The following PHLDB2 variants were observed in gnomAD, a reference collection of about 807,000 sequenced individuals.
PHLDB2 encodes the protein pleckstrin homology-like domain family B member 2.
Under a neutral mutation model 123.6 loss-of-function variants are expected in PHLDB2, and 71 were observed. That is an observed-to-expected ratio of 0.57 (90% CI 0.47 to 0.70). PHLDB2 has a LOEUF of 0.70. Among genes scored for constraint, PHLDB2 ranks in the 30% least tolerant of loss-of-function variants. The probability of loss-of-function intolerance (pLI) is 0.00; values close to 1 mark genes in which losing one functional copy is unlikely to be tolerated. For synonymous variants in PHLDB2, 547 were observed against 541.6 expected (o/e 1.01, Z -0.14); for missense variants, 1,446 against 1,519.5 (o/e 0.95, Z 0.80).
intron 1 of PHLDB2, among the ~76,000 whole-genome samples, chr3:111,816,490 G>T (rs1186446911): frequency 1.3e-5 from 2 of 152,146 alleles, no homozygotes; most frequent in East Asian, 3.8e-4. Flanking sequence ...TTTAAGATTT[G>T]ACTGCCCCAC....
chr3:111,889,898 C>T (rs1256847045), intron 2 of PHLDB2, among the ~76,000 whole-genome samples: 1 of 152,036 alleles, frequency 6.6e-6, no homozygotes, highest in African/African-American at 2.4e-5. Flanking sequence ...ACAGTGTTCC[C>T]CACCCTGCCC....
chr3:111,886,183 A>G (rs2066151464), intron 2 of PHLDB2, among the ~76,000 whole-genome samples: 1 of 152,158 alleles, frequency 6.6e-6, no homozygotes, highest in Admixed American at 6.5e-5. Context: ...TTCATTTTTG[A>G]TTCATGATTT....
intron 7 of PHLDB2, 149 bp from the exon 8 acceptor site, chr3:111,940,386 C>T: frequency 4.1e-6 from 2 of 485,700 alleles, no homozygotes; most frequent in Non-Finnish European, 7.4e-6. Context: ...GCCTCACAGT[C>T]TCTTGGTAAT....
chr3:111,827,396 C>A (rs1337552399), intron 1 of PHLDB2, among the ~76,000 whole-genome samples: 1 of 152,210 alleles, frequency 6.6e-6, no homozygotes, highest in Non-Finnish European at 1.5e-5. Flanking sequence ...AAAGACCAGG[C>A]CGGGCGCGGT....
At chr3:111,859,870 G>C in intron 1 of PHLDB2, 9 of 985,708 alleles carry the variant, frequency 9.1e-6, no homozygotes, top group Non-Finnish European at 1.1e-5. Context: ...TTGGAGGAAA[G>C]ATGAGACGGT....
intron 1 of PHLDB2, among the ~76,000 whole-genome samples, chr3:111,834,146 G>T (rs1249526051): frequency 1.6e-5 from 1 of 61,462 alleles, no homozygotes; most frequent in Non-Finnish European, 3.4e-5. Context: ...ATATGTAATA[G>T]AATTATATAT....
chr3:111,848,731 A>C (rs1201309145), intron 2 of PHLDB2, among the ~76,000 whole-genome samples: 1 of 152,210 alleles, frequency 6.6e-6, no homozygotes, highest in East Asian at 1.9e-4. Context: ...ATGGAGTGGG[A>C]AAATGTCTTA....
At chr3:111,968,173 C>A (rs2197207) in intron 15 of PHLDB2, among the ~76,000 whole-genome samples, 1 of 151,952 alleles carries the variant, frequency 6.6e-6, no homozygotes, top group East Asian at 1.9e-4. Context: ...GGATTTGCTG[C>A]TGAAAACAAA....
intron 7 of PHLDB2, 31 bp from the exon 8 acceptor site, chr3:111,940,502 TAC>T: frequency 7.5e-7 from 1 of 1,335,312 alleles, no homozygotes; most frequent in Non-Finnish European, 1.1e-6. Flanking sequence ...GTGTCTAATG[TAC>T]ATCTTCCTAT....
chr3:111,913,254 T>C lies in PHLDB2; in HGVS notation c.1336-65T>C, dbSNP rs2067990763. The C allele has an allele frequency of 1.2e-5, 18 of 1,491,788 alleles. No individual in the cohort carries two copies. The East Asian group carries it at 3.7e-4, about 30-fold the overall frequency. The allele number at this position is 1,491,788 out of a possible 1,614,324, so 92.4% of individuals were successfully genotyped here. On this transcript the variant is annotated intron_variant, in intron 2 of 17. Coordinates refer to ENST00000431670, the MANE Select transcript of PHLDB2 (RefSeq NM_001134438.2). Reference sequence around the variant, plus strand: ...ACCAGTTGTCCCAGCCTCTTCAGTCTTTTTATTTGGAGTAGTATTCATTCT... The same window carrying C: ...ACCAGTTGTCCCAGCCTCTTCAGTCCTTTTATTTGGAGTAGTATTCATTCT...
intron 1 of PHLDB2, among the ~76,000 whole-genome samples, chr3:111,741,373 C>T (rs183191311): frequency 6.6e-6 from 1 of 152,316 alleles, no homozygotes; most frequent in Admixed American, 6.5e-5. Context: ...TAATCCCATG[C>T]TTCACTGCCC....
At chr3:111,778,398 C>T (rs947860898) in intron 1 of PHLDB2, 9 of 152,050 alleles carry the variant, frequency 5.9e-5, no homozygotes, top group African/African-American at 2.2e-4. Flanking sequence ...TTGCCAACAC[C>T]TTGATTTCAG....
intron 7 of PHLDB2, 150 bp downstream of exon 7, chr3:111,939,780 A>G: frequency 1.4e-6 from 1 of 727,524 alleles, no homozygotes; most frequent in Non-Finnish European, 2.2e-6. Context: ...AGACAAATTG[A>G]GACATATTAC....
chr3:111,771,588 G>A (rs2108049848), intron 1 of PHLDB2, among the ~76,000 whole-genome samples: 1 of 152,230 alleles, frequency 6.6e-6, no homozygotes, highest in South Asian at 2.1e-4. Flanking sequence ...TAGTCCGCCT[G>A]CCTCAGCCTC....
chr3:111,954,541 C>G (rs1325087184), intron 12 of PHLDB2, among the ~76,000 whole-genome samples: 1 of 152,114 alleles, frequency 6.6e-6, no homozygotes, highest in Non-Finnish European at 1.5e-5. Context: ...GACTTTGACT[C>G]TCAGCATTTT....
intron 1 of PHLDB2, among the ~76,000 whole-genome samples, chr3:111,825,506 A>G (rs1311772226): frequency 6.6e-6 from 1 of 152,232 alleles, no homozygotes; most frequent in African/African-American, 2.4e-5. Flanking sequence ...GGGGTGCAGT[A>G]GCACCATCTC....
chr3:111,881,699 A>G (rs1051700749), intron 1 of PHLDB2, among the ~76,000 whole-genome samples: 2 of 151,300 alleles, frequency 1.3e-5, no homozygotes, highest in African/African-American at 2.4e-5. Flanking sequence ...ACATCTGTAT[A>G]TATTTTATGG....
At chr3:111,733,169 G>A (rs367778164) in intron 1 of PHLDB2, among the ~76,000 whole-genome samples, 26 of 151,970 alleles carry the variant, frequency 1.7e-4, no homozygotes, top group East Asian at 9.7e-4. Flanking sequence ...TGTCAACCTC[G>A]TATGATAGGC....
chr3:111,971,791 T>C (rs774787350), intron 16 of PHLDB2, among the ~76,000 whole-genome samples: 54 of 152,314 alleles, frequency 3.5e-4, no homozygotes, highest in Middle Eastern at 3.4e-3. Flanking sequence ...GTGAAGGAGC[T>C]GCAAATGTGA....
Sources: gnomAD v4.1 joint callset for allele counts (sites outside exome capture counted in the v4.1 genomes callset) on GRCh38, gnomAD v4.1.1 for gene constraint, MANE v1.5 for transcripts, NCBI Gene and HGNC (gene_info 2026-07-23, HGNC 2026-07-21) for gene names.